Variants in DKK2 observed in about 807,000 individuals in gnomAD.
DKK2 encodes the protein dickkopf-related protein 2.
DKK2 carries 11 observed loss-of-function variants against 28.1 expected under a neutral mutation model. The ratio of observed to expected loss-of-function variants is 0.39; its 90% CI spans 0.25 to 0.65. The LOEUF (loss-of-function observed/expected upper bound fraction) is 0.65. Among genes scored for constraint, DKK2 ranks in the 30% least tolerant of loss-of-function variants. The probability of loss-of-function intolerance (pLI) is 0.47; values close to 1 mark genes in which losing one functional copy is unlikely to be tolerated. For synonymous variants in DKK2, 135 were observed against 126.5 expected (o/e 1.07, Z -0.45); for missense variants, 326 against 335.5 (o/e 0.97, Z 0.22).
At chr4:106,956,060 G>T (rs940388120) in intron 1 of DKK2, among the ~76,000 whole-genome samples, 34 of 152,014 alleles carry the variant, frequency 2.2e-4, no homozygotes, top group Admixed American at 2.1e-3. Context: ...AACAGTTTCT[G>T]GTACACAGAA....
chr4:107,018,249 A>C (rs1040070501), intron 1 of DKK2, among the ~76,000 whole-genome samples: 1 of 152,044 alleles, frequency 6.6e-6, no homozygotes, highest in African/African-American at 2.4e-5. Context: ...ATGGTGTCAG[A>C]ATTTTAAGAA....
At chr4:107,016,183 A>G (rs1158763551) in intron 1 of DKK2, among the ~76,000 whole-genome samples, 1 of 151,894 alleles carries the variant, frequency 6.6e-6, no homozygotes, top group African/African-American at 2.4e-5. Context: ...TGGAAAATCT[A>G]AAAAGTCATT....
At chr4:106,953,111 C>T (rs367560902) in intron 1 of DKK2, among the ~76,000 whole-genome samples, 49 of 152,078 alleles carry the variant, frequency 3.2e-4, no homozygotes, top group African/African-American at 1.1e-3. Context: ...TGGTGTTCCT[C>T]CTAGGTAACC....
intron 1 of DKK2, among the ~76,000 whole-genome samples, chr4:106,929,700 A>G (rs1018329353): frequency 3.3e-5 from 5 of 152,186 alleles, no homozygotes; most frequent in African/African-American, 9.7e-5. Context: ...AACACATTGG[A>G]CACATTTTGA....
intron 1 of DKK2, among the ~76,000 whole-genome samples, chr4:107,007,696 A>T (rs992947344): frequency 1.3e-5 from 2 of 152,150 alleles, no homozygotes; most frequent in African/African-American, 2.4e-5. Flanking sequence ...TCACACTGAA[A>T]TCATCTGAAG....
rs1175529305 is a variant in DKK2, at chr4:106,978,664, A to T, written c.223-52715T>A. Among the ~76,000 whole-genome samples the T allele has an allele frequency of 2.0e-5, 3 of 152,110 alleles. No homozygotes were observed. In the East Asian group the frequency reaches 5.8e-4, roughly 29 times the overall value. On this transcript the variant is annotated intron_variant, in intron 1 of 3. Transcript: ENST00000285311. ...GCGAAAATTTCAAACAATCGATCTT[A>T]GCTTGCTGGGCTCTGTGGGGGTAGG...
intron 1 of DKK2, among the ~76,000 whole-genome samples, chr4:106,941,120 TAACAAAA>T (rs1560576415): frequency 3.7e-4 from 56 of 151,412 alleles, no homozygotes; most frequent in African/African-American, 1.3e-3. Context: ...AAAAATAAAA[TAACAAAA>T]TAAAAATAAA....
chr4:106,957,142 A>C (rs994514813), intron 1 of DKK2, among the ~76,000 whole-genome samples: 2 of 152,222 alleles, frequency 1.3e-5, no homozygotes, highest in Non-Finnish European at 2.9e-5. Flanking sequence ...GCCAAAAGAC[A>C]CATGAGAAAA....
intron 2 of DKK2, among the ~76,000 whole-genome samples, chr4:106,925,011 A>G (rs576362145): frequency 1.3e-4 from 20 of 152,296 alleles, no homozygotes; most frequent in African/African-American, 3.6e-4. Flanking sequence ...AGCTATTACT[A>G]TTTTTAAAGA....
At chr4:106,982,563 A>G (rs767653628) in intron 1 of DKK2, among the ~76,000 whole-genome samples, 6 of 152,194 alleles carry the variant, frequency 3.9e-5, no homozygotes, top group African/African-American at 7.2e-5. Flanking sequence ...GCATAACTAG[A>G]CCAGTGAAAT....
At chr4:106,949,018 C>A (rs1250110002) in intron 1 of DKK2, among the ~76,000 whole-genome samples, 1 of 152,044 alleles carries the variant, frequency 6.6e-6, no homozygotes, top group Non-Finnish European at 1.5e-5. Flanking sequence ...TAGCATCAAC[C>A]AAAAACCATT....
At chr4:107,018,003 A>C (rs1723635422) in intron 1 of DKK2, among the ~76,000 whole-genome samples, 1 of 152,168 alleles carries the variant, frequency 6.6e-6, no homozygotes, top group African/African-American at 2.4e-5. Flanking sequence ...AGAAGTACCC[A>C]AAATTCTGAG....
At chr4:106,962,287 C>A (rs1722697695) in intron 1 of DKK2, among the ~76,000 whole-genome samples, 1 of 151,980 alleles carries the variant, frequency 6.6e-6, no homozygotes, top group South Asian at 2.1e-4. Flanking sequence ...TGACATTCTT[C>A]CAGAAATAGA....
intron 1 of DKK2, among the ~76,000 whole-genome samples, chr4:106,988,582 G>T (rs1257094541): frequency 1.3e-5 from 2 of 152,112 alleles, no homozygotes; most frequent in Non-Finnish European, 2.9e-5. Flanking sequence ...GTGAGTTCAA[G>T]TACAGGGTCT....
chr4:106,946,168 C>T (rs1295991409), intron 1 of DKK2, among the ~76,000 whole-genome samples: 1 of 152,056 alleles, frequency 6.6e-6, no homozygotes, highest in Non-Finnish European at 1.5e-5. Context: ...TAATTGTAAT[C>T]ACTTGTCTTT....
chr4:106,994,626 T>A (rs562363478), intron 1 of DKK2, among the ~76,000 whole-genome samples: 1 of 152,100 alleles, frequency 6.6e-6, no homozygotes, highest in South Asian at 2.1e-4. Context: ...ACTGGGGGAG[T>A]AGAGACCAAT....
intron 1 of DKK2, among the ~76,000 whole-genome samples, chr4:106,979,493 T>C (rs1722995779): frequency 6.6e-6 from 1 of 151,712 alleles, no homozygotes; most frequent in Non-Finnish European, 1.5e-5. Context: ...CATCCTGTCA[T>C]CTTGTGCAAA....
At chr4:106,924,923 C>CT (rs1267526972) in intron 2 of DKK2, among the ~76,000 whole-genome samples, 3 of 152,078 alleles carry the variant, frequency 2.0e-5, no homozygotes, top group African/African-American at 7.2e-5. Context: ...ACCAAGTGAC[C>CT]TTGGACAAAA....
intron 1 of DKK2, among the ~76,000 whole-genome samples, chr4:106,964,640 T>A (rs955956618): frequency 1.2e-4 from 18 of 152,278 alleles, no homozygotes; most frequent in Admixed American, 5.2e-4. Flanking sequence ...AATACTAATA[T>A]ACATTTTGCT....
Sources: gnomAD v4.1 joint callset for allele counts (sites outside exome capture counted in the v4.1 genomes callset) on GRCh38, gnomAD v4.1.1 for gene constraint, MANE v1.5 for transcripts, NCBI Gene and HGNC (gene_info 2026-07-23, HGNC 2026-07-21) for gene names.